Variants in BFSP2 observed in about 807,000 individuals in gnomAD.
BFSP2 encodes the protein beaded filament structural protein 2.
A neutral mutation model predicts 44.9 loss-of-function variants in BFSP2; 38 were observed. The ratio of observed to expected loss-of-function variants is 0.85; its 90% CI spans 0.65 to 1.11. BFSP2 has a LOEUF of 1.11. Ranked by LOEUF, BFSP2 falls within the 50% of genes least tolerant of loss-of-function variation. The probability of loss-of-function intolerance (pLI) is 0.00; values close to 1 mark genes in which losing one functional copy is unlikely to be tolerated. For missense variants in BFSP2, 525 were observed against 533.0 expected (o/e 0.99, Z 0.15); for synonymous variants, 197 against 209.9 (o/e 0.94, Z 0.53).
intron 1 of BFSP2, among the ~76,000 whole-genome samples, chr3:133,442,889 C>T (rs1288020211): frequency 2.0e-5 from 3 of 149,858 alleles, no homozygotes; most frequent in Non-Finnish European, 3.0e-5. Flanking sequence ...TGGATTTTCA[C>T]TCTTGTTGCC....
intron 4 of BFSP2, among the ~76,000 whole-genome samples, chr3:133,455,166 T>A (rs927850391): frequency 1.3e-5 from 2 of 152,262 alleles, no homozygotes; most frequent in African/African-American, 4.8e-5. Context: ...ATAAAAAGTA[T>A]AGATACAGTA....
chr3:133,462,520 C>T (rs1432433922), intron 4 of BFSP2, among the ~76,000 whole-genome samples: 1 of 152,178 alleles, frequency 6.6e-6, no homozygotes, highest in Non-Finnish European at 1.5e-5. Flanking sequence ...TTGAAACTTG[C>T]CTCCATTCCT....
At chr3:133,459,016 G>T (rs2074038260) in intron 4 of BFSP2, among the ~76,000 whole-genome samples, 1 of 152,240 alleles carries the variant, frequency 6.6e-6, no homozygotes, top group East Asian at 1.9e-4. Flanking sequence ...GCATACCTTA[G>T]ATATTTTTTA....
chr3:133,473,022 G>T (rs1386296910), intron 6 of BFSP2, among the ~76,000 whole-genome samples: 1 of 151,506 alleles, frequency 6.6e-6, no homozygotes, highest in East Asian at 1.9e-4. Flanking sequence ...CAAACCCCTG[G>T]GCTCAAGTGA....
intron 4 of BFSP2, among the ~76,000 whole-genome samples, chr3:133,457,597 T>C (rs1249994346): frequency 6.6e-6 from 1 of 152,200 alleles, no homozygotes; most frequent in Non-Finnish European, 1.5e-5. Context: ...ATTCAGAACA[T>C]ACTGCTTTAT....
In BFSP2 at chr3:133,400,219, GC is replaced by G. The variant is rs1398649558; in HGVS notation, c.138del (p.Met47Ter). The G allele has an allele frequency of 1.2e-6, 2 of 1,613,892 alleles. No individual in the cohort carries two copies. Among genetic ancestry groups the G allele is most frequent in the African/African-American group, 2.7e-5 (2 of 74,928 alleles). On this transcript the variant is annotated frameshift_variant, in exon 1 of 7. Coordinates refer to ENST00000302334, the MANE Select transcript of BFSP2 (RefSeq NM_003571.4). LOFTEE classifies it high-confidence loss of function. The surrounding 1 kb of genome is among the most constrained non-coding windows in gnomAD (Gnocchi z 4.0). The part of the protein sequence containing the change: ...LESPPASRTN[A>X]MSGLVRAPGV... ...GAGCCCCCCAGCCTCCAGGACCAAT[GC>G]CATGAGTGGCCTTGTCCGAGCACCC...
At chr3:133,412,115 T>C (rs1053964393) in intron 1 of BFSP2, among the ~76,000 whole-genome samples, 3 of 152,224 alleles carry the variant, frequency 2.0e-5, no homozygotes, top group Non-Finnish European at 2.9e-5. Flanking sequence ...AGAAATAATA[T>C]GATGTCTGGG....
At chr3:133,439,276 T>C (rs1392372859) in intron 1 of BFSP2, among the ~76,000 whole-genome samples, 1 of 152,290 alleles carries the variant, frequency 6.6e-6, no homozygotes, top group East Asian at 1.9e-4. Context: ...ATATTTGTTC[T>C]GTACCTCTAT....
intron 1 of BFSP2, among the ~76,000 whole-genome samples, chr3:133,419,164 C>T (rs1404600222): frequency 6.6e-6 from 1 of 152,176 alleles, no homozygotes; most frequent in East Asian, 1.9e-4. Context: ...CTCAGAAGGG[C>T]ACCAGGCATC....
Position 133,427,818 on chromosome 3 carries a change from A to G in BFSP2, c.490-19499A>G, listed in dbSNP as rs141056814. 3.3e-3 allele frequency among the ~76,000 whole-genome samples: 503 copies of G among 152,342 alleles called. 4 individuals are homozygous for G. In the Middle Eastern group the frequency reaches 0.048, roughly 14 times the overall value. On this transcript the variant is annotated intron_variant, in intron 1 of 6. Transcript: ENST00000302334. ...GCATATCTATCCCTTTATTGCCCGT[A>G]AGTGTCCCTTAGTTCCAGTGGAGAT...
chr3:133,408,875 G>A (rs983646076), intron 1 of BFSP2, among the ~76,000 whole-genome samples: 1 of 152,190 alleles, frequency 6.6e-6, no homozygotes, highest in Non-Finnish European at 1.5e-5. Context: ...CTTATAGGAG[G>A]GTGGAGGGGA....
chr3:133,428,984 C>T (rs954652488), intron 1 of BFSP2, among the ~76,000 whole-genome samples: 2 of 152,040 alleles, frequency 1.3e-5, no homozygotes, highest in Non-Finnish European at 2.9e-5. Context: ...CATAAAAAGC[C>T]ACCTAATACT....
rs1423711090 is a variant in BFSP2 at position 133,442,874 on chromosome 3, T to G, written c.490-4443T>G. Among the ~76,000 whole-genome samples the G allele has an allele frequency of 2.6e-5, 4 of 151,800 alleles. No homozygotes were observed. The East Asian group carries it at 7.8e-4, about 29-fold the overall frequency. On this transcript the variant is annotated intron_variant, in intron 1 of 6. Coordinates refer to ENST00000302334, the MANE Select transcript of BFSP2 (RefSeq NM_003571.4). ...TTATCTAGATTTTCTTTTTTTTTTT[T>G]TTAATGGATTTTCACTCTTGTTGCC...
At chr3:133,442,767 G>A (rs2073857442) in intron 1 of BFSP2, among the ~76,000 whole-genome samples, 1 of 152,064 alleles carries the variant, frequency 6.6e-6, no homozygotes, top group Non-Finnish European at 1.5e-5. Flanking sequence ...ATGATCCCTT[G>A]GTTTCCGGGT....
intron 4 of BFSP2, among the ~76,000 whole-genome samples, chr3:133,463,288 G>T (rs2074080814): frequency 1.3e-5 from 2 of 152,152 alleles, no homozygotes; most frequent in African/African-American, 2.4e-5. Flanking sequence ...CAGCCTGGGG[G>T]ACAAGAGCAA....
intron 5 of BFSP2, among the ~76,000 whole-genome samples, chr3:133,471,386 GGAAGGAAGA>G (rs1164994495): frequency 6.6e-6 from 1 of 152,180 alleles, no homozygotes; most frequent in Non-Finnish European, 1.5e-5. Flanking sequence ...GGTTGCATTT[GGAAGGAAGA>G]GAAGGAAGGA....
chr3:133,432,955 C>G (rs113802485), intron 1 of BFSP2, among the ~76,000 whole-genome samples: 16,838 of 152,244 alleles, frequency 0.11, 1,141 homozygotes, highest in East Asian at 0.29. Context: ...TGCTTTAATA[C>G]TTTTAGAGGC....
chr3:133,416,927 C>CT (rs2073539484), intron 1 of BFSP2, among the ~76,000 whole-genome samples: 1 of 135,026 alleles, frequency 7.4e-6, no homozygotes, highest in Non-Finnish European at 1.6e-5. Flanking sequence ...CTCACCCGTC[C>CT]TCTGCCCTCT....
At chr3:133,430,748 C>T (rs2073706596) in intron 1 of BFSP2, among the ~76,000 whole-genome samples, 1 of 152,112 alleles carries the variant, frequency 6.6e-6, no homozygotes, top group Admixed American at 6.6e-5. Context: ...CAGTCCCAAC[C>T]CCAAGCGTCG....
Sources: gnomAD v4.1 joint callset for allele counts (sites outside exome capture counted in the v4.1 genomes callset) on GRCh38, gnomAD v4.1.1 for gene constraint, Gnocchi (gnomAD v3.1) non-coding constraint, MANE v1.5 for transcripts, NCBI Gene and HGNC (gene_info 2026-07-23, HGNC 2026-07-21) for gene names.